Variants in TMEM236 observed in about 807,000 individuals in gnomAD.
TMEM236 encodes transmembrane protein 236, also known as family with sequence similarity 23, member A.
TMEM236 carries 11 observed loss-of-function variants against 14.7 expected under a neutral mutation model. That is an observed-to-expected ratio of 0.75 (90% CI 0.47 to 1.24). The LOEUF (loss-of-function observed/expected upper bound fraction) is 1.24. Among genes scored for constraint, TMEM236 ranks in the 50% most tolerant of loss-of-function variants. The probability of loss-of-function intolerance (pLI) is 0.00; values close to 1 mark genes in which losing one functional copy is unlikely to be tolerated. For synonymous variants in TMEM236, 182 were observed against 168.6 expected (o/e 1.08, Z -0.62); for missense variants, 464 against 427.3 (o/e 1.09, Z -0.76).
In TMEM236 at chr10:17,796,266, G is replaced by T; in HGVS notation, c.818G>T (p.Ser273Ile). 6.2e-7 allele frequency: 1 copy of T among 1,613,890 alleles called. No homozygotes were observed. Among genetic ancestry groups the T allele is most frequent in the South Asian group, 1.1e-5 (1 of 91,080 alleles). The change falls in exon 4 of 4, where the codon AGT (serine) becomes ATT (isoleucine). Residue 273 changes from serine (S) to isoleucine (I), a missense_variant. Transcript: ENST00000377495. Reference sequence around the variant, plus strand: ...TGGCTATACCCAGTCTACATATTCAGTTTTATTTCTCTCCTTCGAATTACA... The same window carrying T: ...TGGCTATACCCAGTCTACATATTCATTTTTATTTCTCTCCTTCGAATTACA... ...SSWLYPVYIFSFISLLRITFT... is the reference protein window; with the variant it reads ...SSWLYPVYIFIFISLLRITFT...
At chr10:17,755,725 A>C (rs909169776) in intron 1 of TMEM236, among the ~76,000 whole-genome samples, 1 of 152,148 alleles carries the variant, frequency 6.6e-6, no homozygotes, top group Non-Finnish European at 1.5e-5. Flanking sequence ...GGAAGGTTCA[A>C]ATGACAACAG....
chr10:17,766,973 CTG>C (rs1260711625), intron 1 of TMEM236, among the ~76,000 whole-genome samples: 1 of 152,142 alleles, frequency 6.6e-6, no homozygotes, highest in African/African-American at 2.4e-5. Flanking sequence ...CTGTGCAACT[CTG>C]TCACCAAATT....
At position 17,798,898 on chromosome 10, in the gene TMEM236, G is replaced by A. The variant is rs1838056371; in HGVS notation, c.*2394G>A. The A allele has an allele frequency of 2.9e-6, 1 of 341,884 alleles. No individual in the cohort carries two copies. Among genetic ancestry groups the A allele is most frequent in the Non-Finnish European group, 5.7e-6 (1 of 174,038 alleles). 21.2% of individuals were successfully genotyped at this position (341,884 alleles called of 1,614,324 possible). On this transcript the variant is annotated 3_prime_UTR_variant, in exon 4 of 4. Coordinates refer to ENST00000377495, the MANE Select transcript of TMEM236 (RefSeq NM_001098844.3). ...GTCTCCAAGAAACAAGTATCTCAAT[G>A]CAGTTTTAGAAATTTCCTGTTTTAT... is the stretch of plus-strand genomic sequence containing the variant.
At chr10:17,784,313 G>A (rs1056624635) in intron 3 of TMEM236, among the ~76,000 whole-genome samples, 1 of 152,118 alleles carries the variant, frequency 6.6e-6, no homozygotes, top group Non-Finnish European at 1.5e-5. Context: ...ACCTGAGCTG[G>A]CAAAGTTTTT....
chr10:17,760,222 C>T (rs1487248844), intron 1 of TMEM236, among the ~76,000 whole-genome samples: 2 of 152,130 alleles, frequency 1.3e-5, no homozygotes, highest in African/African-American at 4.8e-5. Context: ...CAGAACACTC[C>T]AGTTTCTCTT....
rs1837390513 is a variant in TMEM236, at chr10:17,762,626, T to TATATATATATATATATATATATACAC, written c.258-8682_258-8681insTATATATATATATATATATATACACA. Among the ~76,000 whole-genome samples, 3 of 94,000 alleles carry TATATATATATATATATATATATACAC rather than the reference T, an allele frequency of 3.2e-5. No homozygotes were observed. The Admixed American group carries it at 3.2e-4, about 10-fold the overall frequency. 61.7% of individuals were successfully genotyped at this position (94,000 alleles called of 152,430 possible). A position where few individuals can be genotyped will look rare whatever the true frequency, so the allele number is the denominator to read the frequency against. On this transcript the variant is annotated intron_variant, in intron 1 of 3. Coordinates refer to ENST00000377495, the MANE Select transcript of TMEM236 (RefSeq NM_001098844.3). ...ATATATATATATATATATACACACA[T>TATATATATATATATATATATATACAC]ACATATATATATATATTTAGGTTTT...
chr10:17,796,061 A>C lies in TMEM236; in HGVS notation c.613A>C (p.Thr205Pro). ...TQVSQPSGAM[T>P]RSQESVFMGP... ...GGTGTCGCAGCCATCAGGAGCCATG[A>C]CACGGAGCCAGGAGTCTGTGTTCAT... Residue 205 changes from threonine (T) to proline (P), a missense_variant, in exon 4 of 4, where the codon ACA becomes CCA. By Grantham distance (38) the Thr-to-Pro change is conservative (BLOSUM62 -1). Coordinates refer to ENST00000377495, the MANE Select transcript of TMEM236 (RefSeq NM_001098844.3). 6.2e-7 allele frequency: 1 copy of C among 1,613,854 alleles called. No homozygotes were observed. Among genetic ancestry groups the C allele is most frequent in the Non-Finnish European group, 8.5e-7 (1 of 1,179,846 alleles).
chr10:17,789,942 T>C (rs1837898209), intron 3 of TMEM236, among the ~76,000 whole-genome samples: 1 of 152,060 alleles, frequency 6.6e-6, no homozygotes, highest in Non-Finnish European at 1.5e-5. Context: ...AAGAAAGGCA[T>C]GAACCCGGGA....
intron 3 of TMEM236, among the ~76,000 whole-genome samples, chr10:17,778,187 CCTT>C (rs1837690308): frequency 6.6e-6 from 1 of 152,174 alleles, no homozygotes; most frequent in Admixed American, 6.5e-5. Context: ...TGAAGAGCCT[CCTT>C]CTTGAGCTGT....
intron 1 of TMEM236, among the ~76,000 whole-genome samples, chr10:17,770,366 T>A (rs1428491440): frequency 6.6e-6 from 1 of 152,040 alleles, no homozygotes; most frequent in Non-Finnish European, 1.5e-5. Flanking sequence ...TACATTTAAA[T>A]TTTCTATTTT....
At chr10:17,788,279 C>G (rs1720204534) in intron 3 of TMEM236, among the ~76,000 whole-genome samples, 1 of 150,938 alleles carries the variant, frequency 6.6e-6, no homozygotes, top group Non-Finnish European at 1.5e-5. Flanking sequence ...CCATATATCT[C>G]TTGGGGAGAA....
At chr10:17,789,307 G>A (rs1837885157) in intron 3 of TMEM236, among the ~76,000 whole-genome samples, 1 of 152,112 alleles carries the variant, frequency 6.6e-6, no homozygotes, top group African/African-American at 2.4e-5. Flanking sequence ...GAGTTATAGT[G>A]TAACTATAGC....
intron 1 of TMEM236, among the ~76,000 whole-genome samples, chr10:17,756,742 G>C (rs1020933982): frequency 1.1e-4 from 17 of 152,192 alleles, no homozygotes; most frequent in Admixed American, 5.9e-4. Context: ...TCCATAATGG[G>C]TACTTCTAGC....
chr10:17,798,287 C>A lies in TMEM236; in HGVS notation c.*1783C>A. 3.4e-6 allele frequency: 1 copy of A among 290,132 alleles called. No individual in the cohort carries two copies. Among genetic ancestry groups the A allele is most frequent in the Non-Finnish European group, 6.7e-6 (1 of 149,368 alleles). The allele number at this position is 290,132 out of a possible 1,614,324, so 18.0% of individuals were successfully genotyped here. A position where few individuals can be genotyped will look rare whatever the true frequency, so the allele number is the denominator to read the frequency against. On this transcript the variant is annotated 3_prime_UTR_variant, in exon 4 of 4. Transcript: ENST00000377495. ...GCTGTGGTGGCTCACACGTGTAATC[C>A]CAGCACTTTGGGAGGTTGAGGCAGG...
chr10:17,768,094 T>TG (rs1837502327), intron 1 of TMEM236, among the ~76,000 whole-genome samples: 13 of 134,430 alleles, frequency 9.7e-5, no homozygotes, highest in Non-Finnish European at 1.8e-4. Context: ...TGGTTTTTTT[T>TG]TTTTTTTTTT....
rs1837654115 is a variant in TMEM236 at position 17,776,059 on chromosome 10, G to T, written c.361G>T (p.Val121Phe). The T allele has an allele frequency of 6.2e-7, 1 of 1,613,870 alleles. No individual in the cohort carries two copies. Among genetic ancestry groups the T allele is most frequent in the South Asian group, 1.1e-5 (1 of 91,072 alleles). The change falls in exon 3 of 4, where the codon GTC becomes TTC. Residue 121 changes from valine (V) to phenylalanine (F), a missense_variant. Physicochemically the swap from Val to Phe is conservative, Grantham distance 50 (BLOSUM62 -1). Coordinates refer to ENST00000377495, the MANE Select transcript of TMEM236 (RefSeq NM_001098844.3). ...VQKSINGSADVLPDMLPDLPV... is the reference protein window; with the variant it reads ...VQKSINGSADFLPDMLPDLPV... Reference sequence around the variant, plus strand: ...AAAGAGCATTAATGGGTCCGCTGATGTCTTACCTGATATGTTACCTGACCT... The same window carrying T: ...AAAGAGCATTAATGGGTCCGCTGATTTCTTACCTGATATGTTACCTGACCT...
chr10:17,786,507 A>G (rs1284286157), intron 3 of TMEM236, among the ~76,000 whole-genome samples: 1 of 152,208 alleles, frequency 6.6e-6, no homozygotes, highest in African/African-American at 2.4e-5. Flanking sequence ...TACAAGCATG[A>G]GCCCCTGGCT....
chr10:17,769,334 G>A lies in TMEM236; in HGVS notation c.258-1975G>A, dbSNP rs1052296000. ...GGAGGAGGACTTGGGTTCTGTTTCG[G>A]ACATGGTAAGTCTGAGTTGTGTCTT... On this transcript the variant is annotated intron_variant, in intron 1 of 3. Coordinates refer to ENST00000377495, the MANE Select transcript of TMEM236 (RefSeq NM_001098844.3). Among the ~76,000 whole-genome samples the A allele has an allele frequency of 6.6e-5, 10 of 152,300 alleles. No individual in the cohort carries two copies. The East Asian group carries it at 1.9e-3, about 29-fold the overall frequency.
intron 3 of TMEM236, among the ~76,000 whole-genome samples, chr10:17,786,945 G>A (rs36051747): frequency 0.053 from 8,024 of 152,174 alleles, 316 homozygotes; most frequent in East Asian, 0.18. Context: ...AGGGGTTTCC[G>A]CTTTTGCATC....
Sources: allele counts gnomAD v4.1 joint callset (sites outside exome capture counted in the v4.1 genomes callset), GRCh38; gene constraint gnomAD v4.1.1; transcripts MANE v1.5; gene names NCBI Gene and HGNC (gene_info 2026-07-23, HGNC 2026-07-21).